GRAP2: variants seen among roughly 807,000 people sequenced by gnomAD.
The protein encoded by GRAP2 is GRB2-related adapter protein 2.
Under a neutral mutation model 43.5 loss-of-function variants are expected in GRAP2, and 31 were observed. The ratio of observed to expected loss-of-function variants is 0.71; its 90% confidence interval spans 0.54 to 0.96. GRAP2 has a LOEUF of 0.96. Ranked by LOEUF, GRAP2 falls within the 40% of genes least tolerant of loss-of-function variation. GRAP2 has a pLI of 0.00. For missense variants in GRAP2, 371 were observed against 424.4 expected, an observed-to-expected ratio of 0.87 and a Z score of 1.11; for synonymous variants, 156 against 164.8, an observed-to-expected ratio of 0.95 and a Z score of 0.41.
At chr22:39,897,031 A>G (rs773011728), upstream of GRAP2, among the ~76,000 whole-genome samples, 4 of 152,138 alleles carry the variant, frequency 2.6e-5, no homozygotes, top group Non-Finnish European at 4.4e-5. Context: ...TTCTCTATCT[A>G]TATTCACTCC....
At chr22:39,964,138 T>C (rs2067146700) in intron 4 of GRAP2, 2 of 475,036 alleles carry the variant, frequency 4.2e-6, no homozygotes, top group Non-Finnish European at 7.4e-6. Flanking sequence ...TAGATATAAA[T>C]GTATGTCTGT....
upstream of GRAP2, among the ~76,000 whole-genome samples, chr22:39,898,298 T>C (rs1307408317): frequency 6.6e-6 from 1 of 152,226 alleles, no homozygotes; most frequent in Non-Finnish European, 1.5e-5. Flanking sequence ...GACCATCTGA[T>C]GTACCTTCTG....
At chr22:39,926,484 G>GAAAAAAAAA (rs918651851) in intron 1 of GRAP2, 1 of 233,680 alleles carries the variant, frequency 4.3e-6, no homozygotes, top group Non-Finnish European at 5.2e-6. Flanking sequence ...CCCAACAAAA[G>GAAAAAAAAA]AAAAAAAAAA....
At chr22:39,950,116 C>T (rs775962280) in intron 2 of GRAP2, among the ~76,000 whole-genome samples, 29 of 152,250 alleles carry the variant, frequency 1.9e-4, no homozygotes, top group Admixed American at 8.5e-4. Context: ...TATACACCGC[C>T]CTTTCTCAGC....
At chr22:39,910,470 G>A (rs940481595) in intron 1 of GRAP2, among the ~76,000 whole-genome samples, 4 of 151,300 alleles carry the variant, frequency 2.6e-5, no homozygotes, top group Non-Finnish European at 4.4e-5. Context: ...GTGCAGTGGC[G>A]CAATCTCGGC....
chr22:39,919,099 C>T (rs73163096), intron 1 of GRAP2, among the ~76,000 whole-genome samples: 5,592 of 152,056 alleles, frequency 0.037, 135 homozygotes, highest in Admixed American at 0.075. Context: ...GGTTGTACCA[C>T]GGCACTCCAG....
intron 1 of GRAP2, among the ~76,000 whole-genome samples, chr22:39,924,299 A>G (rs1384552827): frequency 6.6e-6 from 1 of 152,210 alleles, no homozygotes; most frequent in Non-Finnish European, 1.5e-5. Flanking sequence ...TCTCTCCAAG[A>G]TTCGCTTTTT....
At chr22:39,931,202 A>G (rs137981) in intron 1 of GRAP2, among the ~76,000 whole-genome samples, 12,632 of 152,262 alleles carry the variant, frequency 0.083, 736 homozygotes, top group South Asian at 0.13. Flanking sequence ...TGAGAGAGAG[A>G]AGGTGGGCAA....
the GRAP2 span, among the ~76,000 whole-genome samples, chr22:39,894,572 GA>G: frequency 6.6e-6 from 1 of 152,322 alleles, no homozygotes; most frequent in South Asian, 2.1e-4. Context: ...ACCAGCACGT[GA>G]TTGCCACCTC....
chr22:39,894,005 C>A, the GRAP2 span: 1 of 149,888 alleles, frequency 6.7e-6, no homozygotes, highest in Non-Finnish European at 1.5e-5. Context: ...CAGACACTAG[C>A]ATTTATTCTT....
chr22:39,949,162 C>A (rs1398995410), intron 2 of GRAP2, among the ~76,000 whole-genome samples: 2 of 152,122 alleles, frequency 1.3e-5, no homozygotes, highest in Non-Finnish European at 2.9e-5. Flanking sequence ...GCCCATCTCA[C>A]CCCCATTTCC....
chr22:39,953,860 A>T (rs2067016913), intron 2 of GRAP2, among the ~76,000 whole-genome samples: 1 of 152,144 alleles, frequency 6.6e-6, no homozygotes, highest in African/African-American at 2.4e-5. Flanking sequence ...GCGATCGTCC[A>T]CTTGGGCCTC....
intron 1 of GRAP2, among the ~76,000 whole-genome samples, chr22:39,930,756 C>A (rs1411374828): frequency 1.3e-5 from 2 of 152,142 alleles, no homozygotes; most frequent in African/African-American, 2.4e-5. Context: ...ATGATCTGCC[C>A]CCAGTCCAAT....
At chr22:39,953,444 G>T (rs1255616027) in intron 2 of GRAP2, among the ~76,000 whole-genome samples, 1 of 152,134 alleles carries the variant, frequency 6.6e-6, no homozygotes, top group African/African-American at 2.4e-5. Flanking sequence ...AATCCTGCCT[G>T]TTTGCTTCCT....
chr22:39,951,888 C>T (rs1273836295), intron 2 of GRAP2, among the ~76,000 whole-genome samples: 1 of 152,042 alleles, frequency 6.6e-6, no homozygotes, highest in African/African-American at 2.4e-5. Context: ...TTAGGCAGAC[C>T]AAGCACCAGG....
chr22:39,952,818 A>AT (rs969487596), intron 2 of GRAP2, among the ~76,000 whole-genome samples: 12 of 152,138 alleles, frequency 7.9e-5, no homozygotes, highest in African/African-American at 2.7e-4. Context: ...ATGGAATTGT[A>AT]TTTTTTGAAA....
intron 1 of GRAP2, among the ~76,000 whole-genome samples, chr22:39,925,403 T>A (rs997746535): frequency 1.3e-5 from 2 of 152,204 alleles, no homozygotes; most frequent in Non-Finnish European, 2.9e-5. Context: ...TCCTGTGTGC[T>A]GCTTGGAACC....
chr22:39,930,947 G>A (rs1027755598), intron 1 of GRAP2, among the ~76,000 whole-genome samples: 12 of 152,144 alleles, frequency 7.9e-5, no homozygotes, highest in Non-Finnish European at 1.5e-4. Context: ...TCCTGCACCT[G>A]TCTCCGTCCT....
Position 39,970,959 on chromosome 22 carries a change from C to T in GRAP2, c.868C>T (p.Leu290=). 6.2e-7 allele frequency: 1 copy of T among 1,613,534 alleles called. No homozygotes were observed. The highest frequency in any genetic ancestry group is 8.5e-7 in the Non-Finnish European group (1 of 1,179,828). ...CTTTGAGGCCCTGGAGGATGACGAGCTGGGGTTCCACAGCGGGGAGGTGGT... is the reference window on the plus strand; with the variant it reads ...CTTTGAGGCCCTGGAGGATGACGAGTTGGGGTTCCACAGCGGGGAGGTGGT... ...YDFEALEDDE[L]GFHSGEVVEV... is the part of the protein sequence containing the mutation. Residue 290 remains leucine, a synonymous_variant, in exon 8 of 8, where the codon CTG becomes TTG. Transcript: ENST00000344138.
Sources: gnomAD v4.1 joint callset for allele counts (sites outside exome capture counted in the v4.1 genomes callset) on GRCh38, gnomAD v4.1.1 for gene constraint, MANE v1.5 for transcripts, NCBI Gene and HGNC (gene_info 2026-07-23, HGNC 2026-07-21) for gene names.